The following PAX2 variants were observed in gnomAD, a reference collection of about 807,000 sequenced individuals.
The protein encoded by PAX2 is paired box 2, also known as paired box protein Pax-2.
In PAX2, 9 loss-of-function variants were observed where a neutral mutation model predicts 41.7. The observed-to-expected ratio is 0.22, with a 90% confidence interval of 0.13 to 0.38. The LOEUF (loss-of-function observed/expected upper bound fraction) is 0.38, where lower values mean the gene tolerates loss of function less well. Ranked by LOEUF, PAX2 falls within the 10% of genes least tolerant of loss-of-function variation. The pLI is 1.00. For synonymous variants in PAX2, 221 were observed against 212.7 expected, an observed-to-expected ratio of 1.04 and a Z score of -0.34; for missense variants, 418 against 531.6, an observed-to-expected ratio of 0.79 and a Z score of 2.10.
intron 8 of PAX2, chr10:100,825,108 C>G: frequency 1.2e-6 from 1 of 820,226 alleles, no homozygotes. Context: ...AAGAGCCTGC[C>G]CTGGTTTCCA....
chr10:100,735,614 G>C (rs1240639925), exon 1 of PAX2: 20 of 995,042 alleles, frequency 2.0e-5, no homozygotes, highest in Non-Finnish European at 2.2e-5. Context: ...ATCTCCGGGC[G>C]GCGGCGGCGG....
At chr10:100,803,097 C>A (rs184123681) in intron 5 of PAX2, among the ~76,000 whole-genome samples, 19 of 152,216 alleles carry the variant, frequency 1.2e-4, no homozygotes, top group African/African-American at 4.3e-4. Flanking sequence ...TTACTCTCTT[C>A]TTCTTTTCCT....
Position 100,824,353 on chromosome 10 carries a change from T to TACAGATACACACAC in PAX2, c.920-292_920-291insGATACACACACACA, listed in dbSNP as rs780728141. On this transcript the variant is annotated intron_variant, in intron 7 of 9. Coordinates refer to ENST00000355243, the MANE Select transcript of PAX2 (RefSeq NM_000278.5). The surrounding 1 kb of genome is among the most constrained non-coding windows in gnomAD (Gnocchi z 6.6). ...GCACAGAGACACAGGCAAAGGCAGA[T>TACAGATACACACAC]ACACACACACACACACACACACACA... 7.4e-6 allele frequency among the ~76,000 whole-genome samples: 1 copy of TACAGATACACACAC among 135,574 alleles called. No homozygotes were observed. The highest frequency in any genetic ancestry group is 2.3e-4 in the East Asian group (1 of 4,444). The allele number at this position is 135,574 out of a possible 152,430, so 88.9% of individuals were successfully genotyped here. A position where few individuals can be genotyped will look rare whatever the true frequency, so the allele number is the denominator to read the frequency against.
intron 1 of PAX2, chr10:100,747,304 G>T: frequency 6.6e-6 from 1 of 151,966 alleles, no homozygotes. Context: ...TGAGGAGAAA[G>T]GAAAAGAGAA....
At chr10:100,792,896 C>T (rs1445840023) in intron 5 of PAX2, among the ~76,000 whole-genome samples, 2 of 152,176 alleles carry the variant, frequency 1.3e-5, no homozygotes, top group East Asian at 3.9e-4. Flanking sequence ...TTAATAAAGC[C>T]CCCAACACAG....
intron 5 of PAX2, among the ~76,000 whole-genome samples, chr10:100,799,129 G>A (rs1436968110): frequency 6.6e-6 from 1 of 152,228 alleles, no homozygotes; most frequent in East Asian, 1.9e-4. Flanking sequence ...CACCTTCTGA[G>A]CAGAGGCCAC....
In PAX2 at chr10:100,829,789, G is replaced by A. The variant is rs1190756125; in HGVS notation, c.*2170G>A. The A allele has an allele frequency of 4.9e-6, 1 of 204,870 alleles. No homozygotes were observed. The highest frequency in any genetic ancestry group is 1.0e-5 in the Non-Finnish European group (1 of 99,682). The allele number at this position is 204,870 out of a possible 1,614,324, so 12.7% of individuals were successfully genotyped here. On this transcript the variant is annotated 3_prime_UTR_variant, in exon 10 of 10. Transcript: ENST00000355243. ...GTGGGGCTGGCCGGGCAGAGACCCC[G>A]GACCCAGGCCCAGGCCTAACCTGCT...
chr10:100,773,631 C>T (rs1405000647), intron 3 of PAX2, among the ~76,000 whole-genome samples: 1 of 152,112 alleles, frequency 6.6e-6, no homozygotes, highest in African/African-American at 2.4e-5. Flanking sequence ...CCCGGTCTGC[C>T]TGGCTGTAAT....
At chr10:100,779,448 G>A (rs573718382) in intron 3 of PAX2, 50 bp from the exon 4 acceptor site, 43 of 1,464,540 alleles carry the variant, frequency 2.9e-5, no homozygotes, top group African/African-American at 1.1e-4. Flanking sequence ...GGAATTGGCC[G>A]GGATAGGAGT....
intron 5 of PAX2, among the ~76,000 whole-genome samples, chr10:100,798,104 C>CTTTTTT (rs11314855): frequency 1.2e-5 from 1 of 86,536 alleles, no homozygotes; most frequent in Non-Finnish European, 2.2e-5. Flanking sequence ...ATGTCCACCT[C>CTTTTTT]TTTTTTTTTT....
intron 6 of PAX2, among the ~76,000 whole-genome samples, chr10:100,807,085 C>T (rs990710739): frequency 3.9e-5 from 6 of 152,088 alleles, no homozygotes; most frequent in African/African-American, 1.4e-4. Flanking sequence ...GCCTCCTGCT[C>T]CCCAAGCCAG....
chr10:100,764,088 T>A (rs1442849658), intron 3 of PAX2, among the ~76,000 whole-genome samples: 1 of 152,120 alleles, frequency 6.6e-6, no homozygotes, highest in East Asian at 1.9e-4. Flanking sequence ...TTGTTATGCG[T>A]CTATTTCAGT....
chr10:100,761,208 G>A (rs1432745010), intron 3 of PAX2, among the ~76,000 whole-genome samples: 2 of 151,702 alleles, frequency 1.3e-5, no homozygotes, highest in African/African-American at 4.8e-5. Context: ...TTTTTAATTA[G>A]GGAAGGGGCT....
chr10:100,786,783 T>C (rs1200978015), intron 5 of PAX2, among the ~76,000 whole-genome samples: 1 of 152,152 alleles, frequency 6.6e-6, no homozygotes, highest in Non-Finnish European at 1.5e-5. Flanking sequence ...CTAGGGAGAC[T>C]AAGGCCCTTA....
At chr10:100,761,320 G>A (rs575114751) in intron 3 of PAX2, among the ~76,000 whole-genome samples, 80 of 152,078 alleles carry the variant, frequency 5.3e-4, no homozygotes, top group African/African-American at 1.9e-3. Flanking sequence ...GCTCACCTGC[G>A]CTCTCGACCC....
intron 6 of PAX2, 63 bp downstream of exon 6, chr10:100,806,668 A>C: frequency 6.8e-7 from 1 of 1,460,140 alleles, no homozygotes; most frequent in Non-Finnish European, 9.5e-7. Context: ...GCCTCTCAAA[A>C]ACTTGTTCAC....
intron 7 of PAX2, among the ~76,000 whole-genome samples, chr10:100,811,412 G>A (rs945443727): frequency 3.9e-5 from 6 of 152,244 alleles, no homozygotes; most frequent in Non-Finnish European, 2.9e-5. Context: ...GTGAGCCATG[G>A]GGCATTGCTC....
chr10:100,756,308 C>A (rs1479836604), intron 3 of PAX2, among the ~76,000 whole-genome samples: 1 of 152,180 alleles, frequency 6.6e-6, no homozygotes, highest in Non-Finnish European at 1.5e-5. Flanking sequence ...AGGTGTCCAA[C>A]AATAGCTACT....
rs866063065 is a variant in PAX2, at chr10:100,814,175, C to T, written c.919+4939C>T. Among the ~76,000 whole-genome samples, 5 of 151,858 alleles carry T rather than the reference C, an allele frequency of 3.3e-5. No individual in the cohort carries two copies. The South Asian group carries it at 6.3e-4, about 19-fold the overall frequency. Reference sequence around the variant, plus strand: ...CATCCTGGCTAACATGGTGAAACCCCGTCTCCACTAAAAAAATATACAAAA... The same window carrying T: ...CATCCTGGCTAACATGGTGAAACCCTGTCTCCACTAAAAAAATATACAAAA... On this transcript the variant is annotated intron_variant, in intron 7 of 9. Transcript: ENST00000355243.
Sources: gnomAD v4.1 joint callset for allele counts (sites outside exome capture counted in the v4.1 genomes callset) on GRCh38, gnomAD v4.1.1 for gene constraint, Gnocchi (gnomAD v3.1) non-coding constraint, MANE v1.5 for transcripts, NCBI Gene and HGNC (gene_info 2026-07-23, HGNC 2026-07-21) for gene names.